Variants in TFB1M observed in about 807,000 individuals in gnomAD.
TFB1M encodes the protein dimethyladenosine transferase 1, mitochondrial.
Under a neutral mutation model 31.1 loss-of-function variants are expected in TFB1M, and 27 were observed. The ratio of observed to expected loss-of-function variants is 0.87; its 90% CI spans 0.64 to 1.20. TFB1M has a LOEUF of 1.20. TFB1M is among the 50% of genes most tolerant of loss of function. The pLI, the probability that TFB1M is intolerant of heterozygous loss-of-function variation, is 0.00. For missense variants in TFB1M, 394 were observed against 418.7 expected (o/e 0.94, Z 0.51); for synonymous variants, 166 against 151.8 (o/e 1.09, Z -0.69).
downstream of TFB1M, chr6:155,254,438 AAC>A: frequency 6.2e-7 from 1 of 1,612,966 alleles, no homozygotes; most frequent in Non-Finnish European, 8.5e-7. Context: ...AAGCAAAACC[AAC>A]ATTGTTAAGG....
At chr6:155,248,207 A>C in the TFB1M span, 1 of 1,606,534 alleles carries the variant, frequency 6.2e-7, no homozygotes, top group Non-Finnish European at 8.5e-7. Context: ...CCTCCGGGCG[A>C]GGGCCTGCAC....
the TFB1M span, chr6:155,250,490 A>C: frequency 6.9e-7 from 1 of 1,440,076 alleles, no homozygotes; most frequent in Non-Finnish European, 9.4e-7. Context: ...AGGACTGGAG[A>C]TCAGTCCTTC....
intron 4 of TFB1M, among the ~76,000 whole-genome samples, chr6:155,290,728 G>A (rs546913516): frequency 3.2e-4 from 49 of 152,190 alleles, no homozygotes; most frequent in African/African-American, 1.0e-3. Context: ...CACAAATAGA[G>A]TACATAGTAT....
chr6:155,257,056 C>T lies in TFB1M; in HGVS notation c.*780G>A, dbSNP rs1319591837. On this transcript the variant is annotated 3_prime_UTR_variant, in exon 7 of 7. Coordinates refer to ENST00000367166, the MANE Select transcript of TFB1M (RefSeq NM_016020.4). Reference sequence around the variant, plus strand: ...TGTTCTAGAGCGAGAATTCAGTGTCCAGAGTTTAACATCTGTTGTCAGTGA... The same window carrying T: ...TGTTCTAGAGCGAGAATTCAGTGTCTAGAGTTTAACATCTGTTGTCAGTGA... 4 of 1,614,086 alleles carry T rather than the reference C, an allele frequency of 2.5e-6. No homozygotes were observed. Among genetic ancestry groups the T allele is most frequent in the Non-Finnish European group, 8.5e-7 (1 of 1,180,026 alleles).
In TFB1M at chr6:155,279,245, A is replaced by T. The variant is rs564103866; in HGVS notation, c.666+5913T>A. On this transcript the variant is annotated intron_variant, in intron 5 of 6. Coordinates refer to ENST00000367166, the MANE Select transcript of TFB1M (RefSeq NM_016020.4). ...TTTTTTTAACCTGTGGAGCACGTGT[A>T]TATCTATACATATGACTGAAGAATT... Among the ~76,000 whole-genome samples, 12 of 151,138 alleles carry T rather than the reference A, an allele frequency of 7.9e-5. No individual in the cohort carries two copies. The East Asian group carries it at 2.3e-3, about 29-fold the overall frequency.
At chr6:155,254,509 G>A, downstream of TFB1M, 2 of 1,614,142 alleles carry the variant, frequency 1.2e-6, no homozygotes, top group South Asian at 1.1e-5. Context: ...AATTACCACT[G>A]GAGAAAACGT....
intron 5 of TFB1M, chr6:155,276,209 A>G: frequency 6.2e-7 from 1 of 1,614,134 alleles, no homozygotes; most frequent in South Asian, 1.1e-5. Flanking sequence ...TGGAGGAGCT[A>G]TCTATATCGG....
intron 2 of TFB1M, among the ~76,000 whole-genome samples, chr6:155,299,718 T>A (rs1583371175): frequency 6.6e-6 from 1 of 152,148 alleles, no homozygotes; most frequent in East Asian, 1.9e-4. Context: ...TTGGTCCTAA[T>A]TCTCTAGGTC....
intron 5 of TFB1M, among the ~76,000 whole-genome samples, chr6:155,283,699 AT>A (rs1458289167): frequency 6.6e-6 from 1 of 152,218 alleles, no homozygotes; most frequent in Non-Finnish European, 1.5e-5. Flanking sequence ...TAGCCTGGAG[AT>A]TCTGGATAAT....
chr6:155,300,456 G>T (rs575981630), intron 2 of TFB1M, among the ~76,000 whole-genome samples: 1 of 151,992 alleles, frequency 6.6e-6, no homozygotes, highest in Non-Finnish European at 1.5e-5. Context: ...CTCTCTATGC[G>T]GCATGCTCTT....
downstream of TFB1M, chr6:155,253,636 C>T (rs562838677): frequency 1.2e-4 from 26 of 211,240 alleles, no homozygotes; most frequent in Admixed American, 2.8e-4. Context: ...CTCAAGTACC[C>T]CAGCTCCTGT....
Position 155,260,357 on chromosome 6 carries a change from T to C in TFB1M, c.710A>G (p.Lys237Arg). ...CACCAGCTTGAATGGCTGCTCTATC[T>C]TGGGCTGTATCAAGGGAGTGAAGTG... The part of the protein sequence containing the change: ...VVHFTPLIQP[K>R]IEQPFKLVEK... The change falls in exon 6 of 7, where the codon AAG becomes AGG. Residue 237 changes from lysine to arginine, a missense_variant. Coordinates refer to ENST00000367166, the MANE Select transcript of TFB1M (RefSeq NM_016020.4). 6.2e-7 allele frequency: 1 copy of C among 1,614,228 alleles called. No individual in the cohort carries two copies. Among genetic ancestry groups the C allele is most frequent in the Non-Finnish European group, 8.5e-7 (1 of 1,180,038 alleles).
At chr6:155,242,478 G>A in the TFB1M span, among the ~76,000 whole-genome samples, 1 of 152,190 alleles carries the variant, frequency 6.6e-6, no homozygotes, top group Non-Finnish European at 1.5e-5. Flanking sequence ...GGTGAGGGAA[G>A]GCCAGGGAGG....
intron 4 of TFB1M, among the ~76,000 whole-genome samples, chr6:155,291,070 G>A (rs192125167): frequency 2.0e-5 from 3 of 152,186 alleles, no homozygotes; most frequent in Non-Finnish European, 2.9e-5. Flanking sequence ...TCAATCTGAG[G>A]AGGGGGACAT....
At chr6:155,238,295 C>T in the TFB1M span, among the ~76,000 whole-genome samples, 5 of 152,358 alleles carry the variant, frequency 3.3e-5, no homozygotes, top group Admixed American at 2.6e-4. Context: ...TTATTCATTT[C>T]ACTATCAGCA....
At chr6:155,269,353 G>A (rs373506085) in intron 5 of TFB1M, among the ~76,000 whole-genome samples, 2 of 124,916 alleles carry the variant, frequency 1.6e-5, no homozygotes, top group East Asian at 2.6e-4. Flanking sequence ...ATGGAGTCTC[G>A]CTCTGTCACC....
intron 4 of TFB1M, among the ~76,000 whole-genome samples, chr6:155,289,692 A>G (rs1167448156): frequency 6.6e-6 from 1 of 152,246 alleles, no homozygotes; most frequent in Non-Finnish European, 1.5e-5. Context: ...ATATACAGCC[A>G]TGTCAAGAGT....
intron 2 of TFB1M, among the ~76,000 whole-genome samples, chr6:155,303,733 A>C (rs1484875655): frequency 1.3e-5 from 2 of 152,240 alleles, no homozygotes; most frequent in Admixed American, 6.5e-5. Context: ...GTCTCTTAAT[A>C]AGATGACTGG....
chr6:155,230,415 G>A, the TFB1M span, among the ~76,000 whole-genome samples: 25 of 152,322 alleles, frequency 1.6e-4, no homozygotes, highest in Non-Finnish European at 2.2e-4. Flanking sequence ...AGTGTTAGCT[G>A]TTCCTGTCCT....
Sources: allele counts gnomAD v4.1 joint callset (sites outside exome capture counted in the v4.1 genomes callset), GRCh38; gene constraint gnomAD v4.1.1; transcripts MANE v1.5; gene names NCBI Gene and HGNC (gene_info 2026-07-23, HGNC 2026-07-21).